Variants in ALG14 observed in about 807,000 individuals in gnomAD.
ALG14 encodes ALG14 UDP-N-acetylglucosaminyltransferase subunit, also known as UDP-N-acetylglucosamine transferase subunit ALG14.
A neutral mutation model predicts 22.8 loss-of-function variants in ALG14; 17 were observed. That is an observed-to-expected ratio of 0.75 (90% confidence interval 0.51 to 1.12). The LOEUF is 1.12. Ranked by LOEUF, ALG14 falls within the 50% of genes most tolerant of loss-of-function variation. ALG14 has a pLI of 0.00. For missense variants in ALG14, 288 were observed against 271.8 expected (o/e 1.06, Z -0.42); for synonymous variants, 89 against 103.7 (o/e 0.86, Z 0.86).
intron 2 of ALG14, among the ~76,000 whole-genome samples, chr1:95,039,956 TG>T (rs1174013713): frequency 6.6e-6 from 1 of 152,014 alleles, no homozygotes; most frequent in Non-Finnish European, 1.5e-5. Context: ...GCGGATCACT[TG>T]ACCTCAGGAG....
At chr1:95,029,730 A>G (rs1673940412) in intron 2 of ALG14, among the ~76,000 whole-genome samples, 1 of 152,216 alleles carries the variant, frequency 6.6e-6, no homozygotes, top group Non-Finnish European at 1.5e-5. Context: ...ACATGAGTGC[A>G]GTTCTTACAG....
At chr1:95,055,146 A>G (rs1443976336) in intron 2 of ALG14, among the ~76,000 whole-genome samples, 1 of 152,210 alleles carries the variant, frequency 6.6e-6, no homozygotes, top group East Asian at 1.9e-4. Context: ...GAAAGAATAC[A>G]AGGATGTCCA....
At chr1:95,070,844 T>G (rs1432235546) in intron 1 of ALG14, among the ~76,000 whole-genome samples, 3 of 152,134 alleles carry the variant, frequency 2.0e-5, no homozygotes, top group Admixed American at 6.6e-5. Context: ...CAAGTGATCC[T>G]CCTACCTCAG....
chr1:95,046,419 G>A (rs887434469), intron 2 of ALG14, among the ~76,000 whole-genome samples: 7 of 152,222 alleles, frequency 4.6e-5, no homozygotes, highest in Non-Finnish European at 7.3e-5. Flanking sequence ...TCTAGGCTGT[G>A]CACTCCTTAA....
At chr1:95,062,514 T>C (rs115432512) in intron 2 of ALG14, among the ~76,000 whole-genome samples, 7,007 of 152,252 alleles carry the variant, frequency 0.046, 216 homozygotes, top group South Asian at 0.087. Context: ...GTATTCTCAT[T>C]GTTCAGCTCC....
chr1:94,985,435 A>T (rs929403617), intron 3 of ALG14, among the ~76,000 whole-genome samples: 2 of 152,172 alleles, frequency 1.3e-5, no homozygotes, highest in East Asian at 3.9e-4. Flanking sequence ...TCACTGCCAA[A>T]TGTCTCCAGT....
chr1:95,072,621 G>A, intron 1 of ALG14, 142 bp downstream of exon 1: 3 of 1,272,780 alleles, frequency 2.4e-6, no homozygotes, highest in South Asian at 1.6e-5. Flanking sequence ...TGGACTGCCC[G>A]GTTCCGGCAA....
At chr1:94,999,284 TA>T (rs34508503) in intron 3 of ALG14, among the ~76,000 whole-genome samples, 8,285 of 112,388 alleles carry the variant, frequency 0.074, 290 homozygotes, top group East Asian at 0.2. Flanking sequence ...TCCACAAAGT[TA>T]AAAAAAAAAA....
intron 1 of ALG14, among the ~76,000 whole-genome samples, chr1:95,065,257 C>T (rs1308418868): frequency 6.6e-6 from 1 of 151,910 alleles, no homozygotes; most frequent in Admixed American, 6.6e-5. Flanking sequence ...GCAGTAGGTA[C>T]TAAGGAAGGC....
At chr1:95,007,689 A>G (rs1673256243) in intron 3 of ALG14, among the ~76,000 whole-genome samples, 1 of 152,262 alleles carries the variant, frequency 6.6e-6, no homozygotes, top group Admixed American at 6.5e-5. Context: ...CCCATAAACC[A>G]CAGCAATACC....
intron 3 of ALG14, among the ~76,000 whole-genome samples, chr1:95,014,118 A>G (rs1475446936): frequency 1.3e-5 from 2 of 152,164 alleles, no homozygotes; most frequent in African/African-American, 4.8e-5. Flanking sequence ...CCCAGAGACC[A>G]TGGGAGCTTA....
Position 94,977,914 on chromosome 1 carries a change from G to C in ALG14, c.*5162C>G, listed in dbSNP as rs888609135. 6.6e-6 allele frequency: 1 copy of C among 152,202 alleles called. No homozygotes were observed. 9.4% of individuals were successfully genotyped at this position (152,202 alleles called of 1,614,324 possible). Reference sequence around the variant, plus strand: ...GATCCATCCACCTCGGCCTCCCAAAGTGCTGGGATTACAAGTGTGAAACAC... The same window carrying C: ...GATCCATCCACCTCGGCCTCCCAAACTGCTGGGATTACAAGTGTGAAACAC... On this transcript the variant is annotated 3_prime_UTR_variant, in exon 4 of 4. Transcript: ENST00000370205.
chr1:95,034,209 C>T (rs1436814278), intron 2 of ALG14, among the ~76,000 whole-genome samples: 1 of 152,200 alleles, frequency 6.6e-6, no homozygotes, highest in Non-Finnish European at 1.5e-5. Flanking sequence ...GGAGACAGTT[C>T]TTCTCCAAAT....
intron 2 of ALG14, among the ~76,000 whole-genome samples, chr1:95,063,425 G>A (rs533745000): frequency 4.9e-4 from 74 of 152,066 alleles, no homozygotes; most frequent in Non-Finnish European, 9.9e-4. Context: ...TATAATTTTG[G>A]GTTTTACATT....
chr1:95,039,485 GA>G (rs1445492901), intron 2 of ALG14, among the ~76,000 whole-genome samples: 3 of 152,084 alleles, frequency 2.0e-5, no homozygotes, highest in Non-Finnish European at 2.9e-5. Context: ...GAGAGTTTGG[GA>G]TAACTCTCAG....
chr1:95,072,823 G>A lies in ALG14; in HGVS notation c.76C>T (p.Leu26Phe), dbSNP rs1175801431. Residue 26 changes from leucine to phenylalanine, a missense_variant, in exon 1 of 4, where the codon CTT becomes TTT. Physicochemically the swap from Leu to Phe is conservative, Grantham distance 22 (BLOSUM62 0). Coordinates refer to ENST00000370205, the MANE Select transcript of ALG14 (RefSeq NM_144988.4). ...VFLILRIWVV[L>F]RSMDVTPRES... ...CGGGGCGTAACGTCCATGGAACGAA[G>A]CACTACCCATATTCGCAGGATTAGG... 1 of 1,614,168 alleles carries A rather than the reference G, an allele frequency of 6.2e-7. No homozygotes were observed. Among genetic ancestry groups the A allele is most frequent in the Non-Finnish European group, 8.5e-7 (1 of 1,180,034 alleles).
intron 3 of ALG14, among the ~76,000 whole-genome samples, chr1:94,988,506 C>T (rs1672694742): frequency 6.6e-6 from 1 of 152,072 alleles, no homozygotes; most frequent in African/African-American, 2.4e-5. Flanking sequence ...GACCAAAATA[C>T]AGGGCAGGGG....
At chr1:94,993,362 T>C (rs1387563940) in intron 3 of ALG14, among the ~76,000 whole-genome samples, 16 of 146,584 alleles carry the variant, frequency 1.1e-4, no homozygotes, top group East Asian at 1.9e-4. Context: ...TATATAGATA[T>C]TTAAGTATTT....
At chr1:95,046,678 T>C (rs1263876923) in intron 2 of ALG14, among the ~76,000 whole-genome samples, 1 of 152,256 alleles carries the variant, frequency 6.6e-6, no homozygotes, top group African/African-American at 2.4e-5. Context: ...ATAAAAGTGC[T>C]TGCAGAATGT....
Sources: gnomAD v4.1 joint callset for allele counts (sites outside exome capture counted in the v4.1 genomes callset) on GRCh38, gnomAD v4.1.1 for gene constraint, MANE v1.5 for transcripts, NCBI Gene and HGNC (gene_info 2026-07-23, HGNC 2026-07-21) for gene names.